The following EBAG9 variants were observed in gnomAD, a reference collection of about 807,000 sequenced individuals.
The protein encoded by EBAG9 is estrogen receptor binding site associated antigen 9.
A neutral mutation model predicts 30.9 loss-of-function variants in EBAG9; 16 were observed. The ratio of observed to expected loss-of-function variants is 0.52; its 90% CI spans 0.35 to 0.79. The LOEUF (loss-of-function observed/expected upper bound fraction) is 0.79. Ranked by LOEUF, EBAG9 falls within the 30% of genes least tolerant of loss-of-function variation. The pLI, the probability that EBAG9 is intolerant of heterozygous loss-of-function variation, is 0.01. For missense variants in EBAG9, 197 were observed against 242.1 expected (o/e 0.81, Z 1.24); for synonymous variants, 93 against 82.8 (o/e 1.12, Z -0.67).
intron 1 of EBAG9, among the ~76,000 whole-genome samples, chr8:109,546,952 T>C (rs1044598749): frequency 1.3e-5 from 2 of 152,242 alleles, no homozygotes; most frequent in Non-Finnish European, 2.9e-5. Flanking sequence ...GATATACATT[T>C]GTGTTGTTTC....
intron 1 of EBAG9, among the ~76,000 whole-genome samples, chr8:109,545,059 A>G (rs1821355337): frequency 6.6e-6 from 1 of 152,128 alleles, no homozygotes; most frequent in Non-Finnish European, 1.5e-5. Flanking sequence ...GTGGTGGCCC[A>G]CACCTGTAAT....
chr8:109,544,350 T>G (rs143869280), intron 1 of EBAG9, among the ~76,000 whole-genome samples: 16 of 152,350 alleles, frequency 1.1e-4, no homozygotes, highest in Non-Finnish European at 1.8e-4. Context: ...CTTTTTGTTT[T>G]AAGAAGTCAG....
chr8:109,559,646 TA>T, intron 5 of EBAG9, among the ~76,000 whole-genome samples: 2 of 151,862 alleles, frequency 1.3e-5, no homozygotes, highest in East Asian at 3.9e-4. Flanking sequence ...ACCTCATCTC[TA>T]AAAAAATGTA....
chr8:109,559,928 C>T (rs975198844), intron 5 of EBAG9, among the ~76,000 whole-genome samples: 1 of 152,042 alleles, frequency 6.6e-6, no homozygotes. Flanking sequence ...TTTAAAAATC[C>T]TCCTTTCAGA....
At chr8:109,541,105 TTC>T (rs1821265285) in intron 1 of EBAG9, among the ~76,000 whole-genome samples, 1 of 152,220 alleles carries the variant, frequency 6.6e-6, no homozygotes, top group Non-Finnish European at 1.5e-5. Flanking sequence ...GAGTTGTCAT[TTC>T]TTCAAAAAGC....
chr8:109,557,905 C>T (rs1821633155), intron 5 of EBAG9: 3 of 273,868 alleles, frequency 1.1e-5, no homozygotes, highest in South Asian at 3.0e-5. Context: ...TATGATGTAA[C>T]TCCTGATTTT....
At chr8:109,543,546 G>A (rs1050628348) in intron 1 of EBAG9, among the ~76,000 whole-genome samples, 1 of 152,114 alleles carries the variant, frequency 6.6e-6, no homozygotes, top group Admixed American at 6.5e-5. Context: ...AGTACATACA[G>A]TCAAGTATGT....
At chr8:109,550,950 C>A in intron 2 of EBAG9, 43 bp downstream of exon 2, 1 of 1,373,258 alleles carries the variant, frequency 7.3e-7, no homozygotes, top group Non-Finnish European at 1.0e-6. Context: ...TATCTCCTCG[C>A]TGGTTTTGGA....
Position 109,563,295 on chromosome 8 carries a change from G to A in EBAG9, c.522-1144G>A, listed in dbSNP as rs1042271686. On this transcript the variant is annotated intron_variant, in intron 6 of 6. Transcript: ENST00000337573. ...TAGATAATCCACTTTGGATTTTTCTGCATATAACCTAATGTTGCCTATTCC... is the reference window on the plus strand; with the variant it reads ...TAGATAATCCACTTTGGATTTTTCTACATATAACCTAATGTTGCCTATTCC... 3.0e-6 allele frequency: 4 copies of A among 1,337,900 alleles called. No homozygotes were observed. The African/African-American group carries it at 5.8e-5, about 20-fold the overall frequency. 82.9% of individuals were successfully genotyped at this position (1,337,900 alleles called of 1,614,324 possible).
At chr8:109,558,435 G>T (rs540270945) in intron 5 of EBAG9, among the ~76,000 whole-genome samples, 2 of 152,022 alleles carry the variant, frequency 1.3e-5, no homozygotes, top group South Asian at 2.1e-4. Context: ...GCATTATAAT[G>T]TTTTTTATTT....
intron 5 of EBAG9, among the ~76,000 whole-genome samples, chr8:109,559,326 C>G (rs747212586): frequency 2.0e-5 from 3 of 151,860 alleles, no homozygotes; most frequent in Non-Finnish European, 4.4e-5. Context: ...TGTGGTGGTG[C>G]GTGCCTGTAG....
intron 1 of EBAG9, among the ~76,000 whole-genome samples, chr8:109,546,808 CTT>C (rs1280567045): frequency 1.3e-5 from 2 of 152,056 alleles, no homozygotes; most frequent in African/African-American, 4.8e-5. Flanking sequence ...TGGTCTGACT[CTT>C]TTCATTCAGT....
intron 6 of EBAG9, among the ~76,000 whole-genome samples, chr8:109,563,952 C>T (rs894386284): frequency 6.6e-6 from 1 of 151,934 alleles, no homozygotes; most frequent in Non-Finnish European, 1.5e-5. Flanking sequence ...CTTTTTGGAG[C>T]GTGTGTTCTG....
intron 1 of EBAG9, 57 bp from the exon 2 acceptor site, chr8:109,550,753 G>C: frequency 4.0e-6 from 4 of 988,698 alleles, no homozygotes; most frequent in Non-Finnish European, 6.3e-6. Context: ...TTTCAGGACA[G>C]GAGTATGACT....
At chr8:109,557,868 C>A in intron 5 of EBAG9, 1 of 304,402 alleles carries the variant, frequency 3.3e-6, no homozygotes, top group Non-Finnish European at 6.8e-6. Flanking sequence ...TGCTGTGCAC[C>A]TCTCCAAGGA....
chr8:109,552,046 T>C (rs1821505029), intron 2 of EBAG9, among the ~76,000 whole-genome samples: 1 of 152,040 alleles, frequency 6.6e-6, no homozygotes, highest in Admixed American at 6.6e-5. Context: ...GAGGGTATAG[T>C]AAAAGAGGAA....
chr8:109,557,755 A>T (rs1241693462), intron 5 of EBAG9: 1 of 452,596 alleles, frequency 2.2e-6, no homozygotes, highest in Non-Finnish European at 4.5e-6. Flanking sequence ...TGGGGCTACA[A>T]TCATCTGAAG....
At chr8:109,556,680 C>T (rs1411528132) in intron 4 of EBAG9, among the ~76,000 whole-genome samples, 3 of 151,782 alleles carry the variant, frequency 2.0e-5, no homozygotes, top group East Asian at 3.9e-4. Context: ...ATTTTGAGGT[C>T]TGGGGAAAGT....
In EBAG9 at chr8:109,564,691, A is replaced by G; in HGVS notation, c.*132A>G. ...TAATACATTGATCAGGCCATCCAGG[A>G]CACCACGATTCTCCCAAAGTACCTT... is the stretch of plus-strand genomic sequence containing the variant. On this transcript the variant is annotated 3_prime_UTR_variant, in exon 7 of 7. Coordinates refer to ENST00000337573, the MANE Select transcript of EBAG9 (RefSeq NM_004215.5). 7.7e-7 allele frequency: 1 copy of G among 1,296,850 alleles called. No individual in the cohort carries two copies. The highest frequency in any genetic ancestry group is 2.4e-5 in the East Asian group (1 of 40,886). 80.3% of individuals were successfully genotyped at this position (1,296,850 alleles called of 1,614,324 possible). A position where few individuals can be genotyped will look rare whatever the true frequency, so the allele number is the denominator to read the frequency against.
Sources: allele counts gnomAD v4.1 joint callset (sites outside exome capture counted in the v4.1 genomes callset), GRCh38; gene constraint gnomAD v4.1.1; transcripts MANE v1.5; gene names NCBI Gene and HGNC (gene_info 2026-07-23, HGNC 2026-07-21).